GFOD1: variants seen among roughly 807,000 people sequenced by gnomAD.
GFOD1 encodes the protein Gfo/Idh/MocA-like oxidoreductase domain containing 1, also known as glucose-fructose oxidoreductase domain-containing protein 1.
GFOD1 carries 9 observed loss-of-function variants against 25.4 expected under a neutral mutation model. The observed-to-expected ratio is 0.35, with a 90% CI of 0.21 to 0.62. GFOD1 has a LOEUF of 0.62. GFOD1 is among the 20% of genes least tolerant of loss of function. GFOD1 has a pLI of 0.72. For missense variants in GFOD1, 403 were observed against 556.9 expected (o/e 0.72, Z 2.78); for synonymous variants, 253 against 245.6 (o/e 1.03, Z -0.28).
At chr6:13,461,164 C>T (rs1462773641) in intron 1 of GFOD1, among the ~76,000 whole-genome samples, 1 of 152,236 alleles carries the variant, frequency 6.6e-6, no homozygotes, top group African/African-American at 2.4e-5. Flanking sequence ...TCCACACTGA[C>T]TCCCTAGAAG....
chr6:13,395,781 C>T (rs1463524189), intron 1 of GFOD1, among the ~76,000 whole-genome samples: 8 of 152,304 alleles, frequency 5.3e-5, no homozygotes, highest in African/African-American at 1.9e-4. Context: ...ATCAACGCTA[C>T]GGCCACTCCA....
rs778440586 is a variant in GFOD1 at position 13,363,486 on chromosome 6, G to A, written c.*1257C>T. On this transcript the variant is annotated 3_prime_UTR_variant, in exon 2 of 2. Transcript: ENST00000379287. Reference sequence around the variant, plus strand: ...CCTTGTTGTCCTTTTGTTTTGTTTCGTTTAGTACCTACCCCCAAATTCTCA... The same window carrying A: ...CCTTGTTGTCCTTTTGTTTTGTTTCATTTAGTACCTACCCCCAAATTCTCA... 1.0e-4 allele frequency: 15 copies of A among 146,840 alleles called. No homozygotes were observed. The highest frequency in any genetic ancestry group is 6.0e-4 in the East Asian group (3 of 4,990). The allele number at this position is 146,840 out of a possible 1,614,324, so 9.1% of individuals were successfully genotyped here.
rs992615077 is a variant in GFOD1 at position 13,358,702 on chromosome 6, G to C, written c.*6041C>G. ...GCTTAGCCCTTGTGGTGGCTGCAGG[G>C]GACAGTAGAGACCTGGAAGGGGAAG... On this transcript the variant is annotated 3_prime_UTR_variant, in exon 2 of 2. Transcript: ENST00000379287. 6.6e-6 allele frequency: 1 copy of C among 152,338 alleles called. No homozygotes were observed. Among genetic ancestry groups the C allele is most frequent in the African/African-American group, 2.4e-5 (1 of 41,468 alleles). The allele number at this position is 152,338 out of a possible 1,614,324, so 9.4% of individuals were successfully genotyped here. A position where few individuals can be genotyped will look rare whatever the true frequency, so the allele number is the denominator to read the frequency against.
intron 1 of GFOD1, among the ~76,000 whole-genome samples, chr6:13,423,647 A>C (rs1406536607): frequency 6.6e-6 from 1 of 152,160 alleles, no homozygotes; most frequent in African/African-American, 2.4e-5. Context: ...CAGGTTACTG[A>C]GCCAAGGGCA....
chr6:13,458,623 C>T (rs963904935), intron 1 of GFOD1, among the ~76,000 whole-genome samples: 1 of 151,774 alleles, frequency 6.6e-6, no homozygotes, highest in Admixed American at 6.6e-5. Context: ...TCCTCTTCTA[C>T]AAAATGGTAC....
intron 1 of GFOD1, among the ~76,000 whole-genome samples, chr6:13,426,646 T>C (rs927098696): frequency 6.6e-6 from 1 of 152,034 alleles, no homozygotes; most frequent in Non-Finnish European, 1.5e-5. Context: ...AGGGAGCACC[T>C]GGGACAAGCA....
chr6:13,429,128 C>T (rs1757699284), intron 1 of GFOD1, among the ~76,000 whole-genome samples: 1 of 152,146 alleles, frequency 6.6e-6, no homozygotes, highest in South Asian at 2.1e-4. Flanking sequence ...CAGCAGAAAT[C>T]AAGATGGGTG....
intron 1 of GFOD1, among the ~76,000 whole-genome samples, chr6:13,367,250 T>C (rs1381522867): frequency 1.3e-5 from 2 of 152,338 alleles, no homozygotes; most frequent in East Asian, 3.9e-4. Flanking sequence ...GAACTTCTTA[T>C]TGATACCCTT....
intron 1 of GFOD1, chr6:13,469,856 G>T (rs1245628285): frequency 8.4e-7 from 1 of 1,183,962 alleles, no homozygotes; most frequent in Non-Finnish European, 1.1e-6. Context: ...AGACGTAAAT[G>T]AGTAACACTC....
At chr6:13,416,143 C>T (rs957748425) in intron 1 of GFOD1, among the ~76,000 whole-genome samples, 1 of 152,340 alleles carries the variant, frequency 6.6e-6, no homozygotes, top group South Asian at 2.1e-4. Context: ...AATGCTCTCT[C>T]TCTCCTGCCG....
chr6:13,415,237 G>A (rs892411686), intron 1 of GFOD1, among the ~76,000 whole-genome samples: 1 of 152,176 alleles, frequency 6.6e-6, no homozygotes, highest in East Asian at 1.9e-4. Context: ...ATCCCCTCCC[G>A]TCTTCCACTC....
chr6:13,458,105 T>TTTGTTG (rs555905027), intron 1 of GFOD1, among the ~76,000 whole-genome samples: 16 of 151,868 alleles, frequency 1.1e-4, no homozygotes, highest in Admixed American at 2.0e-4. Flanking sequence ...TTATACAATT[T>TTTGTTG]TTGTTGTTGT....
chr6:13,377,643 A>G (rs1785280501), intron 1 of GFOD1, among the ~76,000 whole-genome samples: 1 of 152,220 alleles, frequency 6.6e-6, no homozygotes, highest in Admixed American at 6.5e-5. Flanking sequence ...AGGCCCACCC[A>G]GATGATCCCC....
At chr6:13,443,962 C>T (rs900346307) in intron 1 of GFOD1, among the ~76,000 whole-genome samples, 3 of 152,036 alleles carry the variant, frequency 2.0e-5, no homozygotes, top group Non-Finnish European at 4.4e-5. Flanking sequence ...TGATCATTCG[C>T]ATTTTGTAGC....
intron 1 of GFOD1, among the ~76,000 whole-genome samples, chr6:13,485,084 G>A (rs542811648): frequency 2.0e-5 from 3 of 152,144 alleles, no homozygotes; most frequent in Non-Finnish European, 4.4e-5. Context: ...CAGTTCAATG[G>A]CATTCAGTTC....
In GFOD1 at chr6:13,365,439, C is replaced by T; in HGVS notation, c.477G>A (p.Lys159=). The T allele has an allele frequency of 4.3e-6, 7 of 1,613,924 alleles. No homozygotes were observed. The highest frequency in any genetic ancestry group is 5.9e-6 in the Non-Finnish European group (7 of 1,180,008). The change falls in exon 2 of 2, where the codon AAG becomes AAA. Residue 159 remains lysine, a synonymous_variant. Coordinates refer to ENST00000379287, the MANE Select transcript of GFOD1 (RefSeq NM_018988.4). The surrounding 1 kb of genome is among the most constrained non-coding windows in gnomAD (Gnocchi z 9.2). ...QVHGGSLLGK[K]YNWSCDDLMG... ...TCAAGTCGTCGCAGCTCCAGTTGTA[C>T]TTCTTGCCCAGCAGGCTGCCGCCGT...
intron 1 of GFOD1, among the ~76,000 whole-genome samples, chr6:13,437,436 G>A (rs971747577): frequency 2.0e-5 from 3 of 152,152 alleles, no homozygotes; most frequent in Non-Finnish European, 2.9e-5. Flanking sequence ...TATCTGTGCT[G>A]TTCAATATGG....
At chr6:13,456,613 G>C (rs186236591) in intron 1 of GFOD1, among the ~76,000 whole-genome samples, 1 of 152,276 alleles carries the variant, frequency 6.6e-6, no homozygotes, top group Admixed American at 6.5e-5. Context: ...CTAGACTAAA[G>C]CAAGAATCTA....
At chr6:13,450,992 C>T (rs1211886906) in intron 1 of GFOD1, among the ~76,000 whole-genome samples, 1 of 152,152 alleles carries the variant, frequency 6.6e-6, no homozygotes, top group African/African-American at 2.4e-5. Context: ...GATTGGTTGT[C>T]CTTGTTAAGG....
Sources: gnomAD v4.1 joint callset for allele counts (sites outside exome capture counted in the v4.1 genomes callset) on GRCh38, gnomAD v4.1.1 for gene constraint, Gnocchi (gnomAD v3.1) non-coding constraint, MANE v1.5 for transcripts, NCBI Gene and HGNC (gene_info 2026-07-23, HGNC 2026-07-21) for gene names.